Variants in TAF3 observed in about 807,000 individuals in gnomAD.
TAF3 encodes the protein TATA-box binding protein associated factor 3.
A neutral mutation model predicts 80.6 loss-of-function variants in TAF3; 7 were observed. The ratio of observed to expected loss-of-function variants is 0.09; its 90% CI spans 0.05 to 0.16. The LOEUF is 0.16. TAF3 is among the 10% of genes least tolerant of loss of function. The probability of loss-of-function intolerance (pLI) is 1.00; values close to 1 mark genes in which losing one functional copy is unlikely to be tolerated. For missense variants in TAF3, 921 were observed against 1,140.2 expected, an observed-to-expected ratio of 0.81 and a Z score of 2.77; for synonymous variants, 444 against 446.1, an observed-to-expected ratio of 1.00 and a Z score of 0.06.
chr10:7,842,187 T>TTTTTTTTTTG (rs1836925580), intron 2 of TAF3, among the ~76,000 whole-genome samples: 1 of 138,946 alleles, frequency 7.2e-6, no homozygotes, highest in South Asian at 2.4e-4. Flanking sequence ...TTTTTTTTTT[T>TTTTTTTTTTG]TTTTGAGACA....
intron 2 of TAF3, among the ~76,000 whole-genome samples, chr10:7,844,100 G>A (rs909611930): frequency 1.3e-5 from 2 of 152,060 alleles, no homozygotes; most frequent in Non-Finnish European, 2.9e-5. Flanking sequence ...AGCGTCTCTG[G>A]AACTTTGTGA....
intron 4 of TAF3, among the ~76,000 whole-genome samples, chr10:7,987,040 G>A (rs1831785669): frequency 6.6e-6 from 1 of 152,080 alleles, no homozygotes; most frequent in Non-Finnish European, 1.5e-5. Flanking sequence ...ACAAATTAGG[G>A]GCTGGACATG....
At chr10:7,834,601 T>C (rs1301621347) in intron 2 of TAF3, among the ~76,000 whole-genome samples, 1 of 152,210 alleles carries the variant, frequency 6.6e-6, no homozygotes, top group African/African-American at 2.4e-5. Flanking sequence ...CCTGAGTTCA[T>C]GCAGATTTTC....
intron 2 of TAF3, among the ~76,000 whole-genome samples, chr10:7,831,760 C>T (rs1282602195): frequency 2.6e-5 from 4 of 152,122 alleles, no homozygotes; most frequent in African/African-American, 7.2e-5. Context: ...GCTTTGGTGA[C>T]GTCCTCACCT....
chr10:7,831,640 G>A (rs1244505), intron 2 of TAF3, among the ~76,000 whole-genome samples: 53,411 of 151,972 alleles, frequency 0.35, 9,363 homozygotes, highest in South Asian at 0.44. Context: ...TACCGTGCCC[G>A]GCCTCATTAC....
intron 2 of TAF3, among the ~76,000 whole-genome samples, chr10:7,902,592 G>T (rs12260852): frequency 0.012 from 1,859 of 152,210 alleles, 48 homozygotes; most frequent in African/African-American, 0.043. Context: ...ATCAGGAGGC[G>T]TATAATGTCA....
At chr10:7,902,291 C>T (rs996147853) in intron 2 of TAF3, among the ~76,000 whole-genome samples, 2 of 151,836 alleles carry the variant, frequency 1.3e-5, no homozygotes, top group African/African-American at 4.8e-5. Flanking sequence ...GGCCTGGTGG[C>T]ACATGTCTGT....
intron 1 of TAF3, 78 bp downstream of exon 1, chr10:7,818,953 T>A (rs1254338469): frequency 2.3e-6 from 3 of 1,300,888 alleles, no homozygotes; most frequent in Non-Finnish European, 2.9e-6. Context: ...TCCCTCCGCG[T>A]CCCCGGGGTG....
At chr10:7,956,441 C>T (rs558103571) in intron 2 of TAF3, among the ~76,000 whole-genome samples, 2 of 152,256 alleles carry the variant, frequency 1.3e-5, no homozygotes, top group East Asian at 3.9e-4. Context: ...GAACCGGAAT[C>T]ATGCCACTGC....
At chr10:7,883,182 G>C (rs1837377637) in intron 2 of TAF3, among the ~76,000 whole-genome samples, 1 of 152,224 alleles carries the variant, frequency 6.6e-6, no homozygotes, top group South Asian at 2.1e-4. Flanking sequence ...GTTCAGTTAG[G>C]AGTCCCGTGG....
intron 2 of TAF3, among the ~76,000 whole-genome samples, chr10:7,844,692 A>G (rs1468192804): frequency 6.6e-6 from 1 of 152,018 alleles, no homozygotes; most frequent in Non-Finnish European, 1.5e-5. Context: ...TCTTCTTTTT[A>G]GTCTATGCCT....
At position 8,009,132 on chromosome 10, in the gene TAF3, C is replaced by T; in HGVS notation, c.2370C>T (p.Asn790=). 6.3e-7 allele frequency: 1 copy of T among 1,597,922 alleles called. No homozygotes were observed. Among genetic ancestry groups the T allele is most frequent in the Non-Finnish European group, 8.5e-7 (1 of 1,173,026 alleles). ...APEAKPAPSQ[N]RPKTPPPAPA... is the part of the protein sequence containing the mutation. Reference sequence around the variant, plus strand: ...AGGCCAAGCCGGCGCCCTCGCAGAACAGGCCGAAGACCCCACCGCCGGCCC... The same window carrying T: ...AGGCCAAGCCGGCGCCCTCGCAGAATAGGCCGAAGACCCCACCGCCGGCCC... Residue 790 remains asparagine, a synonymous_variant, in exon 5 of 7, where the codon AAC becomes AAT. Coordinates refer to ENST00000344293, the MANE Select transcript of TAF3 (RefSeq NM_031923.4). The surrounding 1 kb of genome is among the most constrained non-coding windows in gnomAD (Gnocchi z 4.1).
At chr10:7,854,483 A>G (rs992430974) in intron 2 of TAF3, among the ~76,000 whole-genome samples, 20 of 152,232 alleles carry the variant, frequency 1.3e-4, no homozygotes, top group African/African-American at 2.4e-4. Flanking sequence ...GCTAACATAT[A>G]CAAAGCACTT....
chr10:8,003,832 GC>G (rs1370144524), intron 4 of TAF3, among the ~76,000 whole-genome samples: 1 of 152,040 alleles, frequency 6.6e-6, no homozygotes. Flanking sequence ...GATTGCTTGA[GC>G]CCAGGAGTTC....
chr10:8,009,870 C>T lies in TAF3; in HGVS notation c.2568+540C>T, dbSNP rs1588350147. Among the ~76,000 whole-genome samples, 1 of 152,026 alleles carries T rather than the reference C, an allele frequency of 6.6e-6. No individual in the cohort carries two copies. The highest frequency in any genetic ancestry group is 1.9e-4 in the East Asian group (1 of 5,178). On this transcript the variant is annotated intron_variant, in intron 5 of 6. Coordinates refer to ENST00000344293, the MANE Select transcript of TAF3 (RefSeq NM_031923.4). This position sits in a 1 kb window ranked among gnomAD's most constrained non-coding sequence, Gnocchi z 4.1. ...TCCTGACCTAAGGTGATCCACCCGC[C>T]TCGGCCTCCCAAAGTGTGGGATTAC...
At chr10:7,958,453 A>G (rs1838157615) in intron 2 of TAF3, among the ~76,000 whole-genome samples, 1 of 152,154 alleles carries the variant, frequency 6.6e-6, no homozygotes, top group Non-Finnish European at 1.5e-5. Context: ...GCCTGCATCA[A>G]TCTGGGTGAA....
intron 2 of TAF3, among the ~76,000 whole-genome samples, chr10:7,858,825 T>C (rs12762606): frequency 0.15 from 13,431 of 92,308 alleles, 648 homozygotes; most frequent in South Asian, 0.2. Flanking sequence ...TGTGTGTGTG[T>C]GTGCGCGCGC....
chr10:7,979,781 A>T (rs1434428975), intron 4 of TAF3, among the ~76,000 whole-genome samples: 4 of 151,616 alleles, frequency 2.6e-5, no homozygotes, highest in Non-Finnish European at 5.9e-5. Flanking sequence ...TTTTATGTAA[A>T]ATAAAACTTA....
chr10:7,952,380 A>G (rs1055048536), intron 2 of TAF3, among the ~76,000 whole-genome samples: 5 of 152,230 alleles, frequency 3.3e-5, no homozygotes, highest in African/African-American at 1.2e-4. Flanking sequence ...GAGGAGAGAA[A>G]ATAGGAGATG....
Sources: allele counts gnomAD v4.1 joint callset (sites outside exome capture counted in the v4.1 genomes callset), GRCh38; gene constraint gnomAD v4.1.1; non-coding constraint Gnocchi (gnomAD v3.1); transcripts MANE v1.5; gene names NCBI Gene and HGNC (gene_info 2026-07-23, HGNC 2026-07-21).